AKAP19: variants seen among roughly 807,000 people sequenced by gnomAD.
The protein encoded by AKAP19 is A-kinase anchoring protein 19.
At chr2:189,948,569 CA>C in the AKAP19 span, among the ~76,000 whole-genome samples, 1 of 152,150 alleles carries the variant, frequency 6.6e-6, no homozygotes, top group Non-Finnish European at 1.5e-5. Context: ...TATGTACATC[CA>C]CCCCCATAAA....
chr2:190,134,071 T>C, the AKAP19 span, among the ~76,000 whole-genome samples: 2 of 152,174 alleles, frequency 1.3e-5, no homozygotes, highest in Admixed American at 1.3e-4. Context: ...CTTCAAAACA[T>C]TATGTTGTAT....
the AKAP19 span, among the ~76,000 whole-genome samples, chr2:190,031,100 C>T: frequency 6.6e-6 from 1 of 152,120 alleles, no homozygotes; most frequent in Non-Finnish European, 1.5e-5. Context: ...GGTCAGAAGT[C>T]GAGGACTTTG....
chr2:190,183,085 T>TA, the AKAP19 span, among the ~76,000 whole-genome samples: 2 of 152,228 alleles, frequency 1.3e-5, no homozygotes, highest in Non-Finnish European at 2.9e-5. Flanking sequence ...GTGGTACCTC[T>TA]AGAAACCTGT....
chr2:190,009,924 T>C, the AKAP19 span, among the ~76,000 whole-genome samples: 6 of 150,480 alleles, frequency 4.0e-5, no homozygotes, highest in Non-Finnish European at 8.9e-5. Flanking sequence ...AAATGTTTCA[T>C]GGATGAGGGA....
At chr2:189,932,463 C>T in the AKAP19 span, among the ~76,000 whole-genome samples, 1 of 151,444 alleles carries the variant, frequency 6.6e-6, no homozygotes, top group Non-Finnish European at 1.5e-5. Context: ...TCTCCCCCCA[C>T]CACCACACAT....
the AKAP19 span, among the ~76,000 whole-genome samples, chr2:190,148,873 G>A: frequency 2.6e-5 from 4 of 151,666 alleles, no homozygotes; most frequent in Non-Finnish European, 4.4e-5. Flanking sequence ...TCGTTTCTTA[G>A]TGAGGTTATT....
At chr2:190,192,450 A>ATGTGTGTG in the AKAP19 span, among the ~76,000 whole-genome samples, 3 of 93,696 alleles carry the variant, frequency 3.2e-5, no homozygotes, top group African/African-American at 1.3e-4. Flanking sequence ...ATAATTCAGA[A>ATGTGTGTG]TCTGTGTGTG....
chr2:190,071,075 G>A, the AKAP19 span, among the ~76,000 whole-genome samples: 3 of 152,234 alleles, frequency 2.0e-5, 1 homozygote, highest in South Asian at 6.2e-4. Flanking sequence ...TGTGGGCCTA[G>A]GCTAGTGTGT....
At chr2:189,953,634 CAAAAAAAAAAAA>C in the AKAP19 span, among the ~76,000 whole-genome samples, 2 of 72,826 alleles carry the variant, frequency 2.7e-5, no homozygotes, top group African/African-American at 1.1e-4. Context: ...AACTCCATCT[CAAAAAAAAAAAA>C]AAAAAAAAAA....
the AKAP19 span, among the ~76,000 whole-genome samples, chr2:189,961,123 A>C: frequency 6.6e-6 from 1 of 152,246 alleles, no homozygotes; most frequent in Non-Finnish European, 1.5e-5. Flanking sequence ...TGCGAGAAAC[A>C]AAGTGGATTC....
the AKAP19 span, among the ~76,000 whole-genome samples, chr2:190,102,094 G>T: frequency 6.6e-6 from 1 of 152,218 alleles, no homozygotes; most frequent in East Asian, 1.9e-4. Flanking sequence ...TTGCTCCTGA[G>T]TGACTTTTGG....
At chr2:189,943,254 C>A in the AKAP19 span, among the ~76,000 whole-genome samples, 1 of 152,226 alleles carries the variant, frequency 6.6e-6, no homozygotes, top group Non-Finnish European at 1.5e-5. Flanking sequence ...GGACAGTGCT[C>A]CCTGCATCCC....
chr2:189,958,718 G>A, the AKAP19 span, among the ~76,000 whole-genome samples: 1 of 151,536 alleles, frequency 6.6e-6, no homozygotes, highest in Non-Finnish European at 1.5e-5. Context: ...TTCATCAACA[G>A]TAAAATGTAT....
chr2:189,926,314 A>T, the AKAP19 span, among the ~76,000 whole-genome samples: 1 of 151,964 alleles, frequency 6.6e-6, no homozygotes, highest in East Asian at 1.9e-4. Context: ...TGTTTTTTTG[A>T]GACGGAGTCT....
the AKAP19 span, among the ~76,000 whole-genome samples, chr2:190,171,797 G>A: frequency 1.8e-4 from 28 of 152,222 alleles, 2 homozygotes; most frequent in South Asian, 5.4e-3. Context: ...ACTTGCTGGG[G>A]AAAACAAAAC....
At chr2:190,091,319 A>C in the AKAP19 span, among the ~76,000 whole-genome samples, 1 of 152,236 alleles carries the variant, frequency 6.6e-6, no homozygotes, top group Non-Finnish European at 1.5e-5. Context: ...AAATATTATT[A>C]CAGAAAGTTC....
the AKAP19 span, among the ~76,000 whole-genome samples, chr2:190,080,207 A>G: frequency 6.6e-6 from 1 of 152,226 alleles, no homozygotes; most frequent in Admixed American, 6.5e-5. Flanking sequence ...AAATATATTC[A>G]GTGTGACAGT....
At chr2:190,192,159 G>A in the AKAP19 span, among the ~76,000 whole-genome samples, 1 of 151,978 alleles carries the variant, frequency 6.6e-6, no homozygotes, top group Non-Finnish European at 1.5e-5. Flanking sequence ...ATTTTGGTGG[G>A]GGGAGAGTAT....
chr2:190,079,324 A>G, the AKAP19 span: 1 of 152,218 alleles, frequency 6.6e-6, no homozygotes, highest in Non-Finnish European at 1.5e-5. Context: ...TTTAGTGGAA[A>G]GAGAGGAATC....
Sources: allele counts gnomAD v4.1 joint callset (sites outside exome capture counted in the v4.1 genomes callset), GRCh38; gene constraint gnomAD v4.1.1; transcripts MANE v1.5; gene names NCBI Gene and HGNC (gene_info 2026-07-23, HGNC 2026-07-21).